The following NDRG1 variants were observed in gnomAD, a reference collection of about 807,000 sequenced individuals.
NDRG1 encodes the protein protein NDRG1.
In NDRG1, 32 loss-of-function variants were observed where a neutral mutation model predicts 56.9. That is an observed-to-expected ratio of 0.56 (90% CI 0.42 to 0.76). The LOEUF (loss-of-function observed/expected upper bound fraction) is 0.76. NDRG1 is among the 30% of genes least tolerant of loss of function. The pLI is 0.00. For missense variants in NDRG1, 507 were observed against 545.7 expected, an observed-to-expected ratio of 0.93 and a Z score of 0.71; for synonymous variants, 211 against 204.1, an observed-to-expected ratio of 1.03 and a Z score of -0.29.
chr8:133,284,264 C>T lies in NDRG1; in HGVS notation c.48G>A (p.Leu16=), dbSNP rs767603105. ...QDVDLAEVKP[L]VEKGETITGL... is the part of the protein sequence containing the mutation. Reference sequence around the variant, plus strand: ...CTCCACTCACCTCCCCTTTCTCCACCAAAGGCTTCACCTCAGCGAGGTCTA... The same window carrying T: ...CTCCACTCACCTCCCCTTTCTCCACTAAAGGCTTCACCTCAGCGAGGTCTA... Residue 16 remains leucine, a synonymous_variant, in exon 2 of 16, where the codon TTG becomes TTA. Transcript: ENST00000323851. 62 of 1,614,192 alleles carry T rather than the reference C, an allele frequency of 3.8e-5. No homozygotes were observed. Among genetic ancestry groups the T allele is most frequent in the Non-Finnish European group, 5.2e-5 (61 of 1,180,032 alleles).
At chr8:133,273,847 T>C (rs1183793755) in intron 3 of NDRG1, among the ~76,000 whole-genome samples, 1 of 152,176 alleles carries the variant, frequency 6.6e-6, no homozygotes, top group African/African-American at 2.4e-5. Flanking sequence ...AGCAGAAGTC[T>C]TGGACTCTAG....
chr8:133,296,633 A>C (rs900982103), intron 1 of NDRG1: 29 of 435,716 alleles, frequency 6.7e-5, no homozygotes, highest in Middle Eastern at 8.2e-4. Flanking sequence ...TGCCAGCGCC[A>C]CTCACCTCTA....
In NDRG1 at chr8:133,259,884, G is replaced by C. The variant is rs535377140; in HGVS notation, c.327-654C>G. Among the ~76,000 whole-genome samples, 6 of 152,320 alleles carry C rather than the reference G, an allele frequency of 3.9e-5. No homozygotes were observed. In the South Asian group the frequency reaches 1.2e-3, roughly 32 times the overall value. ...CCTGCCGTGCTCAGATGATCAGGGA[G>C]GGCTTCTTGGAAGAAGTGACGCTGA... On this transcript the variant is annotated intron_variant, in intron 5 of 15. Transcript: ENST00000323851.
chr8:133,262,860 A>G (rs531884124), intron 4 of NDRG1, among the ~76,000 whole-genome samples: 1 of 152,170 alleles, frequency 6.6e-6, no homozygotes, highest in East Asian at 1.9e-4. Context: ...TCTCTCATCT[A>G]CCTGCCAGAA....
At chr8:133,253,312 G>C (rs1856176510) in intron 9 of NDRG1, among the ~76,000 whole-genome samples, 1 of 152,228 alleles carries the variant, frequency 6.6e-6, no homozygotes, top group South Asian at 2.1e-4. Flanking sequence ...CAGCAGCACA[G>C]GCAGCCGCCA....
intron 9 of NDRG1, among the ~76,000 whole-genome samples, chr8:133,253,318 C>T (rs920037011): frequency 2.6e-5 from 4 of 152,170 alleles, no homozygotes; most frequent in Admixed American, 2.0e-4. Flanking sequence ...CACAGGCAGC[C>T]GCCATCCTGC....
intron 3 of NDRG1, among the ~76,000 whole-genome samples, chr8:133,279,695 C>G (rs1857671243): frequency 6.6e-6 from 1 of 152,238 alleles, no homozygotes; most frequent in South Asian, 2.1e-4. Context: ...ACTTAGATTT[C>G]CTGAAGTTCT....
chr8:133,271,577 G>A (rs1857187980), intron 3 of NDRG1, among the ~76,000 whole-genome samples: 1 of 151,952 alleles, frequency 6.6e-6, no homozygotes, highest in Admixed American at 6.6e-5. Flanking sequence ...GTAACTTTGA[G>A]TTTGAGACCA....
chr8:133,255,495 C>A (rs1856320512), intron 8 of NDRG1: 1 of 410,096 alleles, frequency 2.4e-6, no homozygotes, highest in Non-Finnish European at 5.0e-6. Flanking sequence ...TTCACATTAG[C>A]CAGTGGTCGA....
chr8:133,296,712 C>G (rs868620363), intron 1 of NDRG1: 2 of 321,714 alleles, frequency 6.2e-6, no homozygotes, highest in Admixed American at 7.6e-5. Flanking sequence ...CACACACACA[C>G]ACACACACAC....
chr8:133,293,099 AC>A (rs772950194), intron 1 of NDRG1, among the ~76,000 whole-genome samples: 1 of 151,568 alleles, frequency 6.6e-6, no homozygotes, highest in Non-Finnish European at 1.5e-5. Flanking sequence ...CATGGCCCCC[AC>A]CCCGAGAACA....
intron 3 of NDRG1, among the ~76,000 whole-genome samples, chr8:133,270,696 G>A (rs1857144809): frequency 6.6e-6 from 1 of 152,218 alleles, no homozygotes; most frequent in Non-Finnish European, 1.5e-5. Context: ...GAAGCTGTAA[G>A]GACTAACTCC....
chr8:133,251,149 G>C (rs370812473), intron 9 of NDRG1, among the ~76,000 whole-genome samples: 5 of 152,350 alleles, frequency 3.3e-5, no homozygotes, highest in East Asian at 3.9e-4. Flanking sequence ...CGGCCAACCA[G>C]AGCCTTGGGG....
At chr8:133,271,113 C>T (rs142393596) in intron 3 of NDRG1, among the ~76,000 whole-genome samples, 16 of 152,298 alleles carry the variant, frequency 1.1e-4, no homozygotes, top group East Asian at 5.8e-4. Flanking sequence ...ACTGTCTCCC[C>T]GCTGCCCCTG....
At chr8:133,296,009 AG>A (rs1453291913) in intron 1 of NDRG1, among the ~76,000 whole-genome samples, 5 of 151,666 alleles carry the variant, frequency 3.3e-5, no homozygotes, top group Non-Finnish European at 5.9e-5. Context: ...CAGGGACAAC[AG>A]GCGGGGGATA....
chr8:133,242,472 CA>C (rs1855439800), intron 14 of NDRG1, among the ~76,000 whole-genome samples: 1 of 152,234 alleles, frequency 6.6e-6, no homozygotes, highest in African/African-American at 2.4e-5. Context: ...TTACTCCTGA[CA>C]ACCCCTCACG....
chr8:133,251,340 A>G (rs1351864677), intron 9 of NDRG1, among the ~76,000 whole-genome samples: 2 of 152,242 alleles, frequency 1.3e-5, no homozygotes, highest in African/African-American at 4.8e-5. Flanking sequence ...AGCCGGTGTC[A>G]AGCTTGAGCT....
chr8:133,256,717 T>C, intron 8 of NDRG1, 60 bp downstream of exon 8: 3 of 1,518,876 alleles, frequency 2.0e-6, no homozygotes, highest in Non-Finnish European at 2.7e-6. Context: ...AGGCAGAGGC[T>C]GTGTGCACCT....
chr8:133,243,227 C>A (rs1174224760), intron 14 of NDRG1, among the ~76,000 whole-genome samples: 1 of 152,148 alleles, frequency 6.6e-6, no homozygotes, highest in African/African-American at 2.4e-5. Flanking sequence ...AAATTGCCCT[C>A]TGGAATTTGT....
Sources: gnomAD v4.1 joint callset for allele counts (sites outside exome capture counted in the v4.1 genomes callset) on GRCh38, gnomAD v4.1.1 for gene constraint, MANE v1.5 for transcripts, NCBI Gene and HGNC (gene_info 2026-07-23, HGNC 2026-07-21) for gene names.